KCNT2: variants seen among roughly 807,000 people sequenced by gnomAD.
KCNT2 encodes potassium sodium-activated channel subfamily T member 2.
A neutral mutation model predicts 153.8 loss-of-function variants in KCNT2; 67 were observed. The ratio of observed to expected loss-of-function variants is 0.44; its 90% CI spans 0.36 to 0.53. The LOEUF (loss-of-function observed/expected upper bound fraction) is 0.53, where lower values mean the gene tolerates loss of function less well. Ranked by LOEUF, KCNT2 falls within the 20% of genes least tolerant of loss-of-function variation. The probability of loss-of-function intolerance (pLI) is 0.00; values close to 1 mark genes in which losing one functional copy is unlikely to be tolerated. For synonymous variants in KCNT2, 500 were observed against 458.8 expected, an observed-to-expected ratio of 1.09 and a Z score of -1.15; for missense variants, 975 against 1,354.8, an observed-to-expected ratio of 0.72 and a Z score of 4.40.
At chr1:196,256,836 G>C (rs531779331) in intron 26 of KCNT2, among the ~76,000 whole-genome samples, 4 of 151,738 alleles carry the variant, frequency 2.6e-5, no homozygotes, top group African/African-American at 7.3e-5. Flanking sequence ...GCTGAGACCC[G>C]CTGGGCTGCA....
At chr1:196,544,636 T>C (rs1171227736) in intron 1 of KCNT2, among the ~76,000 whole-genome samples, 2 of 152,114 alleles carry the variant, frequency 1.3e-5, no homozygotes, top group Non-Finnish European at 2.9e-5. Flanking sequence ...GGAAACAAAT[T>C]GATTTGAAAT....
intron 14 of KCNT2, among the ~76,000 whole-genome samples, chr1:196,358,944 G>T (rs768755906): frequency 1.6e-4 from 24 of 151,924 alleles, no homozygotes; most frequent in Non-Finnish European, 3.1e-4. Context: ...TTACCATATA[G>T]AAAGCAAAAA....
chr1:196,276,863 A>G (rs1030738864), intron 25 of KCNT2, among the ~76,000 whole-genome samples: 2 of 152,058 alleles, frequency 1.3e-5, no homozygotes, highest in Non-Finnish European at 2.9e-5. Context: ...TATGTGACCT[A>G]TCGCACGTCT....
intron 16 of KCNT2, among the ~76,000 whole-genome samples, chr1:196,339,629 G>C (rs943855581): frequency 2.6e-5 from 4 of 151,912 alleles, no homozygotes; most frequent in Non-Finnish European, 5.9e-5. Flanking sequence ...AGGGATTAAA[G>C]AGTAAAGTCT....
intron 13 of KCNT2, among the ~76,000 whole-genome samples, chr1:196,394,768 T>A (rs535501102): frequency 6.6e-6 from 1 of 151,740 alleles, no homozygotes; most frequent in South Asian, 2.1e-4. Flanking sequence ...TTTTATTTCT[T>A]GTGTTCTGAT....
At chr1:196,603,966 G>T (rs1665031691) in intron 1 of KCNT2, among the ~76,000 whole-genome samples, 1 of 152,188 alleles carries the variant, frequency 6.6e-6, no homozygotes. Context: ...AATCTTTACT[G>T]CTTTGTGAAT....
chr1:196,238,915 A>G (rs1365739265), intron 26 of KCNT2, among the ~76,000 whole-genome samples: 1 of 151,952 alleles, frequency 6.6e-6, no homozygotes, highest in Non-Finnish European at 1.5e-5. Context: ...AATAGTTTCT[A>G]TTAGCCATGA....
At chr1:196,325,198 G>C (rs1663719568) in intron 19 of KCNT2, among the ~76,000 whole-genome samples, 1 of 152,090 alleles carries the variant, frequency 6.6e-6, no homozygotes, top group African/African-American at 2.4e-5. Flanking sequence ...TATGTGAAGA[G>C]GAGGAAAGTA....
intron 8 of KCNT2, among the ~76,000 whole-genome samples, chr1:196,447,370 A>G (rs1315576991): frequency 6.6e-6 from 1 of 151,722 alleles, no homozygotes; most frequent in African/African-American, 2.4e-5. Flanking sequence ...AGCTAAGTAA[A>G]GAACATACAA....
intron 3 of KCNT2, among the ~76,000 whole-genome samples, chr1:196,488,927 C>A (rs544136865): frequency 6.6e-6 from 1 of 152,000 alleles, no homozygotes; most frequent in South Asian, 2.1e-4. Flanking sequence ...TGGGAGAGCA[C>A]CCAGAAGATA....
intron 13 of KCNT2, among the ~76,000 whole-genome samples, chr1:196,381,735 G>C (rs1345852746): frequency 6.6e-6 from 1 of 152,100 alleles, no homozygotes; most frequent in Non-Finnish European, 1.5e-5. Flanking sequence ...ACAAATGGCT[G>C]GAGCATCCAT....
chr1:196,529,998 T>G (rs935841193), intron 1 of KCNT2, among the ~76,000 whole-genome samples: 2 of 151,988 alleles, frequency 1.3e-5, no homozygotes, highest in African/African-American at 4.8e-5. Context: ...CAGAAAAATA[T>G]GCAGCAATCA....
chr1:196,326,850 C>T lies in KCNT2; in HGVS notation c.2143G>A (p.Gly715Arg). Reference protein sequence around the residue: ...HNYYEDAKAYGFKNKLIIVAA... With the variant: ...HNYYEDAKAYRFKNKLIIVAA... ...ACTATAATTAGTTTATTTTTGAATCCATAGGCTTTTGCATCCTCATAGTAG... is the reference window on the plus strand; with the variant it reads ...ACTATAATTAGTTTATTTTTGAATCTATAGGCTTTTGCATCCTCATAGTAG... The change falls in exon 19 of 28, where the codon GGA becomes AGA. Residue 715 changes from glycine (G) to arginine (R), a missense_variant. Around this residue, in one of 6 missense-constraint regions of KCNT2, gnomAD observed 325 missense variants for 388.1 expected, o/e 0.84. Coordinates refer to ENST00000294725, the MANE Select transcript of KCNT2 (RefSeq NM_198503.5). 6.3e-7 allele frequency: 1 copy of T among 1,586,106 alleles called. No individual in the cohort carries two copies. The highest frequency in any genetic ancestry group is 8.5e-7 in the Non-Finnish European group (1 of 1,171,112).
chr1:196,443,829 C>A (rs572930417), intron 8 of KCNT2, among the ~76,000 whole-genome samples: 1 of 151,444 alleles, frequency 6.6e-6, no homozygotes, highest in Non-Finnish European at 1.5e-5. Flanking sequence ...TTGAAACTGG[C>A]AATAGTTGGT....
rs184369973 is a variant in KCNT2, at chr1:196,505,825, T to C, written c.96-13484A>G. Among the ~76,000 whole-genome samples, 639 of 152,212 alleles carry C rather than the reference T, an allele frequency of 4.2e-3. 4 individuals carry two copies. Among genetic ancestry groups the C allele is most frequent in the African/African-American group, 0.014 (589 of 41,538 alleles). ...GTCCCTTGTAAGTTGGATTCCTAGGTATTTTATTCTCTTTGAAGCAATTGT... is the reference window on the plus strand; with the variant it reads ...GTCCCTTGTAAGTTGGATTCCTAGGCATTTTATTCTCTTTGAAGCAATTGT... On this transcript the variant is annotated intron_variant, in intron 1 of 27. Coordinates refer to ENST00000294725, the MANE Select transcript of KCNT2 (RefSeq NM_198503.5).
At chr1:196,326,441 G>C (rs757140581) in intron 19 of KCNT2, among the ~76,000 whole-genome samples, 1 of 151,954 alleles carries the variant, frequency 6.6e-6, no homozygotes, top group Non-Finnish European at 1.5e-5. Flanking sequence ...TATTTCAGTG[G>C]CCTATTTCCT....
At chr1:196,240,281 C>A (rs1654830896) in intron 26 of KCNT2, among the ~76,000 whole-genome samples, 1 of 151,922 alleles carries the variant, frequency 6.6e-6, no homozygotes, top group South Asian at 2.1e-4. Flanking sequence ...TTTAATTTCT[C>A]TTAATCTCTC....
intron 1 of KCNT2, among the ~76,000 whole-genome samples, chr1:196,516,077 C>T (rs891720863): frequency 1.3e-5 from 2 of 152,136 alleles, no homozygotes; most frequent in African/African-American, 2.4e-5. Flanking sequence ...GTCAGACCTG[C>T]GTACATACCC....
At chr1:196,290,531 CATAT>C (rs974889010) in intron 22 of KCNT2, among the ~76,000 whole-genome samples, 2 of 151,170 alleles carry the variant, frequency 1.3e-5, no homozygotes, top group Non-Finnish European at 2.9e-5. Context: ...TATGCATATA[CATAT>C]ATATGTGTGT....
Sources: allele counts gnomAD v4.1 joint callset (sites outside exome capture counted in the v4.1 genomes callset), GRCh38; gene constraint gnomAD v4.1.1; regional missense constraint gnomAD v4.1.1; transcripts MANE v1.5; gene names NCBI Gene and HGNC (gene_info 2026-07-23, HGNC 2026-07-21).